The following KCNC4 variants were observed in gnomAD, a reference collection of about 807,000 sequenced individuals.
KCNC4 encodes the protein voltage-gated potassium channel KCNC4.
A neutral mutation model predicts 42.8 loss-of-function variants in KCNC4; 23 were observed. That is an observed-to-expected ratio of 0.54 (90% confidence interval 0.39 to 0.76). KCNC4 has a LOEUF of 0.76. KCNC4 is among the 30% of genes least tolerant of loss of function. The pLI is 0.00. For missense variants in KCNC4, 751 were observed against 898.2 expected (o/e 0.84, Z 2.10); for synonymous variants, 422 against 393.5 (o/e 1.07, Z -0.86).
intron 1 of KCNC4, chr1:110,220,582 C>G (rs760236749): frequency 6.6e-6 from 1 of 152,036 alleles, no homozygotes; most frequent in East Asian, 1.9e-4. Flanking sequence ...ACTCTCCTGG[C>G]TAACTTTTCC....
intron 3 of KCNC4, among the ~76,000 whole-genome samples, chr1:110,230,564 C>A (rs1001510226): frequency 6.6e-6 from 1 of 152,232 alleles, no homozygotes; most frequent in African/African-American, 2.4e-5. Flanking sequence ...CGGCACCCAC[C>A]GCCTCCTTCC....
At chr1:110,234,696 G>A (rs1196670196), downstream of KCNC4, 1 of 152,190 alleles carries the variant, frequency 6.6e-6, no homozygotes, top group Non-Finnish European at 1.5e-5. Context: ...ATGCTTGGCT[G>A]TCACCATCAT....
downstream of KCNC4, among the ~76,000 whole-genome samples, chr1:110,253,724 C>T (rs1181285425): frequency 1.3e-5 from 2 of 152,162 alleles, no homozygotes; most frequent in Admixed American, 1.3e-4. Context: ...GTTCCTTCTT[C>T]CACAGAGCCA....
intron 1 of KCNC4, among the ~76,000 whole-genome samples, chr1:110,280,238 G>A (rs1403685702): frequency 6.6e-6 from 1 of 152,100 alleles, no homozygotes; most frequent in Non-Finnish European, 1.5e-5. Context: ...CCAGCTAGAG[G>A]GCGACTAAGT....
At chr1:110,213,269 C>T (rs1657604526) in intron 1 of KCNC4, among the ~76,000 whole-genome samples, 1 of 148,732 alleles carries the variant, frequency 6.7e-6, no homozygotes. Flanking sequence ...TCATGGTCAG[C>T]AGCCTAAAGC....
At chr1:110,215,562 C>T (rs1657753483) in intron 1 of KCNC4, among the ~76,000 whole-genome samples, 1 of 152,336 alleles carries the variant, frequency 6.6e-6, no homozygotes. Context: ...GATTACAGTT[C>T]CTCTCCTTTG....
intron 1 of KCNC4, among the ~76,000 whole-genome samples, chr1:110,216,835 G>T (rs1009400500): frequency 1.3e-5 from 2 of 152,132 alleles, no homozygotes; most frequent in African/African-American, 4.8e-5. Context: ...CCCTAGCAGG[G>T]GTCCTTATCT....
chr1:110,210,564 C>A lies in KCNC4; in HGVS notation c.-936C>A, dbSNP rs541422677. 3.2e-4 allele frequency among the ~76,000 whole-genome samples: 48 copies of A among 151,726 alleles called. No individual in the cohort carries two copies. The highest frequency in any genetic ancestry group is 5.5e-4 in the Non-Finnish European group (37 of 67,846). ...CTCCCTCTCCGCGCGGCCCGGGAAGCCTGCAGGTGTCCTTGGCCGCTCGGC... is the reference window on the plus strand; with the variant it reads ...CTCCCTCTCCGCGCGGCCCGGGAAGACTGCAGGTGTCCTTGGCCGCTCGGC... On this transcript the variant is annotated 5_prime_UTR_variant, in exon 1 of 4. Coordinates refer to ENST00000438661, the MANE Select transcript of KCNC4 (RefSeq NM_001039574.3).
chr1:110,227,525 CCT>C (rs938039738), intron 3 of KCNC4, among the ~76,000 whole-genome samples: 54 of 152,328 alleles, frequency 3.5e-4, no homozygotes, highest in African/African-American at 1.1e-3. Context: ...GGTGCTCAGA[CCT>C]CTACCCTCGC....
At chr1:110,252,754 A>G (rs1355356441), downstream of KCNC4, among the ~76,000 whole-genome samples, 1 of 152,212 alleles carries the variant, frequency 6.6e-6, no homozygotes, top group Non-Finnish European at 1.5e-5. Flanking sequence ...AAAAATGAGA[A>G]ATCTGAGCAT....
intron 1 of KCNC4, among the ~76,000 whole-genome samples, chr1:110,213,870 G>A (rs939731878): frequency 2.0e-5 from 3 of 152,012 alleles, no homozygotes; most frequent in Admixed American, 2.0e-4. Flanking sequence ...GGGGAGGAGA[G>A]ATAGAGATAG....
rs1223576237 is a variant in KCNC4 at position 110,213,035 on chromosome 1, T to C, written c.678+858T>C. 1.3e-5 allele frequency among the ~76,000 whole-genome samples: 2 copies of C among 151,488 alleles called. 1 individual carries two copies. On this transcript the variant is annotated intron_variant, in intron 1 of 3. Transcript: ENST00000438661. Reference sequence around the variant, plus strand: ...TTCAGGTTACTGCTTGAAATGGGTGTATGAGGGAAGGGGGAAGCACAGGTT... The same window carrying C: ...TTCAGGTTACTGCTTGAAATGGGTGCATGAGGGAAGGGGGAAGCACAGGTT...
At chr1:110,232,700 T>C (rs1658757647) in intron 3 of KCNC4, 5 of 1,491,230 alleles carry the variant, frequency 3.4e-6, no homozygotes, top group South Asian at 2.7e-5. Flanking sequence ...CTTCCTGGCC[T>C]TTTAGCCCTG....
intron 1 of KCNC4, among the ~76,000 whole-genome samples, chr1:110,277,157 G>A (rs1570587493): frequency 6.6e-6 from 1 of 152,246 alleles, no homozygotes; most frequent in East Asian, 1.9e-4. Context: ...GATAATGTAA[G>A]TGAAGTCAAG....
At chr1:110,269,991 C>A (rs1166498950) in intron 1 of KCNC4, among the ~76,000 whole-genome samples, 1 of 152,152 alleles carries the variant, frequency 6.6e-6, no homozygotes, top group African/African-American at 2.4e-5. Context: ...TTCTATATTG[C>A]CTACACAGAA....
intron 1 of KCNC4, among the ~76,000 whole-genome samples, chr1:110,278,521 G>A (rs1659764693): frequency 6.6e-6 from 1 of 152,182 alleles, no homozygotes; most frequent in Non-Finnish European, 1.5e-5. Context: ...TGCCAAGGTT[G>A]AGAAACCCTG....
chr1:110,217,124 G>A (rs1380607863), intron 1 of KCNC4, among the ~76,000 whole-genome samples: 2 of 152,180 alleles, frequency 1.3e-5, no homozygotes, highest in Non-Finnish European at 2.9e-5. Context: ...GCCAAGTCGG[G>A]TAGAGTAAGT....
chr1:110,249,549 G>A (rs1233991532), downstream of KCNC4, among the ~76,000 whole-genome samples: 4 of 152,084 alleles, frequency 2.6e-5, no homozygotes, highest in Non-Finnish European at 5.9e-5. Flanking sequence ...AGACTCCTTG[G>A]CCTGGACAGA....
chr1:110,211,721 C>G lies in KCNC4; in HGVS notation c.222C>G (p.Pro74=). The change falls in exon 1 of 4, where the codon CCC becomes CCG. Residue 74 remains proline (P), a synonymous_variant. Transcript: ENST00000438661. The surrounding 1 kb of genome is among the most constrained non-coding windows in gnomAD (Gnocchi z 6.5). ...WLADPDGGGR[P]ETDGGGVGSS... is the part of the protein sequence containing the mutation. Reference sequence around the variant, plus strand: ...CCGACCCCGACGGCGGGGGCCGGCCCGAGACCGATGGCGGCGGTGTGGGTA... The same window carrying G: ...CCGACCCCGACGGCGGGGGCCGGCCGGAGACCGATGGCGGCGGTGTGGGTA... 2 of 1,608,648 alleles carry G rather than the reference C, an allele frequency of 1.2e-6. No homozygotes were observed. Among genetic ancestry groups the G allele is most frequent in the South Asian group, 1.1e-5 (1 of 90,722 alleles).
Sources: gnomAD v4.1 joint callset for allele counts (sites outside exome capture counted in the v4.1 genomes callset) on GRCh38, gnomAD v4.1.1 for gene constraint, Gnocchi (gnomAD v3.1) non-coding constraint, MANE v1.5 for transcripts, NCBI Gene and HGNC (gene_info 2026-07-23, HGNC 2026-07-21) for gene names.